Variants in MGMT observed in about 807,000 individuals in gnomAD.
MGMT encodes the protein O-6-methylguanine-DNA methyltransferase.
In MGMT, 14 loss-of-function variants were observed where a neutral mutation model predicts 15.9. The observed-to-expected ratio is 0.88, with a 90% CI of 0.58 to 1.37. The LOEUF (loss-of-function observed/expected upper bound fraction) is 1.37, where lower values mean the gene tolerates loss of function less well. Ranked by LOEUF, MGMT falls within the 40% of genes most tolerant of loss-of-function variation. MGMT has a pLI of 0.00. For synonymous variants in MGMT, 130 were observed against 118.2 expected, an observed-to-expected ratio of 1.10 and a Z score of -0.65; for missense variants, 282 against 268.1, an observed-to-expected ratio of 1.05 and a Z score of -0.36.
At chr10:129,641,571 T>G (rs1847328309) in intron 2 of MGMT, among the ~76,000 whole-genome samples, 1 of 152,250 alleles carries the variant, frequency 6.6e-6, no homozygotes, top group Non-Finnish European at 1.5e-5. Context: ...TTTCACAGTT[T>G]CTTTTAGTTC....
At chr10:129,576,208 C>A (rs1406164433) in intron 2 of MGMT, among the ~76,000 whole-genome samples, 1 of 152,242 alleles carries the variant, frequency 6.6e-6, no homozygotes, top group East Asian at 1.9e-4. Context: ...ATCCTGATAC[C>A]AAAGCCTGGT....
intron 2 of MGMT, among the ~76,000 whole-genome samples, chr10:129,552,849 CGT>C (rs1846173433): frequency 6.6e-6 from 1 of 152,208 alleles, no homozygotes; most frequent in Non-Finnish European, 1.5e-5. Flanking sequence ...TTTTTCCCCA[CGT>C]GTGTCACCTT....
At chr10:129,653,742 C>T (rs1168379784) in intron 2 of MGMT, among the ~76,000 whole-genome samples, 2 of 152,232 alleles carry the variant, frequency 1.3e-5, no homozygotes, top group African/African-American at 2.4e-5. Context: ...GGAAGCACAG[C>T]GTGGTGGCCG....
At chr10:129,718,321 C>T (rs183261410) in intron 3 of MGMT, among the ~76,000 whole-genome samples, 35 of 152,276 alleles carry the variant, frequency 2.3e-4, no homozygotes, top group African/African-American at 8.2e-4. Flanking sequence ...GTGTCGGAGA[C>T]CTGTGGAATC....
chr10:129,649,365 GA>G (rs957436771), intron 2 of MGMT, among the ~76,000 whole-genome samples: 1 of 150,914 alleles, frequency 6.6e-6, no homozygotes, highest in Non-Finnish European at 1.5e-5. Flanking sequence ...TGCAAACTTA[GA>G]AAAAAAAATA....
intron 3 of MGMT, among the ~76,000 whole-genome samples, chr10:129,708,606 C>T (rs1848195541): frequency 6.6e-6 from 1 of 152,210 alleles, no homozygotes; most frequent in Non-Finnish European, 1.5e-5. Context: ...TAATCTAAAA[C>T]ATTTCCCAGA....
At chr10:129,723,359 AT>A (rs1848395637) in intron 3 of MGMT, among the ~76,000 whole-genome samples, 1 of 152,060 alleles carries the variant, frequency 6.6e-6, no homozygotes, top group South Asian at 2.1e-4. Context: ...GTGGATAACC[AT>A]TTTCAGATAA....
intron 2 of MGMT, among the ~76,000 whole-genome samples, chr10:129,549,122 GCCTGTTGGAGACAC>G (rs1167403161): frequency 6.6e-6 from 1 of 152,204 alleles, no homozygotes; most frequent in Non-Finnish European, 1.5e-5. Flanking sequence ...TCTCCTTGGT[GCCTGTTGGAGACAC>G]CGTGTTGGAA....
chr10:129,474,907 C>T (rs1446990603), intron 1 of MGMT, among the ~76,000 whole-genome samples: 3 of 152,024 alleles, frequency 2.0e-5, no homozygotes, highest in East Asian at 1.9e-4. Context: ...AGGGGCTCCC[C>T]GTGTGGTAGG....
intron 1 of MGMT, among the ~76,000 whole-genome samples, chr10:129,472,198 T>C (rs1845239441): frequency 6.6e-6 from 1 of 152,088 alleles, no homozygotes; most frequent in Non-Finnish European, 1.5e-5. Flanking sequence ...TGAGCTTTTC[T>C]ACAGGAAGTG....
chr10:129,484,189 A>C (rs1269392425), intron 1 of MGMT, among the ~76,000 whole-genome samples: 1 of 152,116 alleles, frequency 6.6e-6, no homozygotes, highest in East Asian at 1.9e-4. Context: ...AGATTTGAGG[A>C]AATGTCACTG....
intron 2 of MGMT, among the ~76,000 whole-genome samples, chr10:129,574,482 CTGAG>C (rs777165351): frequency 3.7e-4 from 56 of 152,206 alleles, no homozygotes; most frequent in Admixed American, 9.8e-4. Context: ...GCATATATGA[CTGAG>C]TATCACATTT....
At chr10:129,552,759 G>A (rs760957590) in intron 2 of MGMT, among the ~76,000 whole-genome samples, 10 of 152,358 alleles carry the variant, frequency 6.6e-5, no homozygotes, top group African/African-American at 9.6e-5. Context: ...GCTGATGTCC[G>A]TGAGGACTGG....
In MGMT at chr10:129,707,847, G is replaced by A. The variant is rs569526721; in HGVS notation, c.126-48G>A. 8.7e-6 allele frequency: 14 copies of A among 1,606,174 alleles called. No individual in the cohort carries two copies. The South Asian group carries it at 1.2e-4, about 14-fold the overall frequency. ...GTAGGTGTTTGCTTTTCCGATGTGTGGAGGCAGGGCCCAGAGGTTTACTAA... is the reference window on the plus strand; with the variant it reads ...GTAGGTGTTTGCTTTTCCGATGTGTAGAGGCAGGGCCCAGAGGTTTACTAA... On this transcript the variant is annotated intron_variant, in intron 2 of 4. Coordinates refer to ENST00000651593, the MANE Select transcript of MGMT (RefSeq NM_002412.5).
chr10:129,513,145 G>C (rs1845702560), intron 1 of MGMT, among the ~76,000 whole-genome samples: 1 of 152,192 alleles, frequency 6.6e-6, no homozygotes, highest in South Asian at 2.1e-4. Flanking sequence ...ATATAAGCCA[G>C]TCACAAAAGG....
At chr10:129,625,614 A>G (rs1847137855) in intron 2 of MGMT, among the ~76,000 whole-genome samples, 1 of 152,258 alleles carries the variant, frequency 6.6e-6, no homozygotes, top group Non-Finnish European at 1.5e-5. Flanking sequence ...GATCATAGTA[A>G]CCAAAAAAAG....
chr10:129,539,607 C>T (rs919406895), intron 2 of MGMT, among the ~76,000 whole-genome samples: 11 of 151,906 alleles, frequency 7.2e-5, no homozygotes, highest in Non-Finnish European at 1.3e-4. Context: ...CCTGGGTTCA[C>T]GCCATTCTCC....
At chr10:129,506,176 A>C (rs893689286) in intron 1 of MGMT, among the ~76,000 whole-genome samples, 3 of 152,066 alleles carry the variant, frequency 2.0e-5, no homozygotes, top group African/African-American at 7.2e-5. Flanking sequence ...TGAACATCCC[A>C]CAACACATGG....
At chr10:129,749,908 A>G (rs1217437035) in intron 3 of MGMT, among the ~76,000 whole-genome samples, 1 of 152,052 alleles carries the variant, frequency 6.6e-6, no homozygotes, top group Non-Finnish European at 1.5e-5. Flanking sequence ...TTTGTCACCT[A>G]TATATATTCT....
Sources: allele counts gnomAD v4.1 joint callset (sites outside exome capture counted in the v4.1 genomes callset), GRCh38; gene constraint gnomAD v4.1.1; transcripts MANE v1.5; gene names NCBI Gene and HGNC (gene_info 2026-07-23, HGNC 2026-07-21).